The following PRKCB variants were observed in gnomAD, a reference collection of about 807,000 sequenced individuals.
PRKCB encodes the protein protein kinase C beta.
Under a neutral mutation model 81.5 loss-of-function variants are expected in PRKCB, and 13 were observed. The observed-to-expected ratio is 0.16, with a 90% CI of 0.10 to 0.25. The LOEUF (loss-of-function observed/expected upper bound fraction) is 0.25, where lower values mean the gene tolerates loss of function less well. Ranked by LOEUF, PRKCB falls within the 10% of genes least tolerant of loss-of-function variation. The pLI, the probability that PRKCB is intolerant of heterozygous loss-of-function variation, is 1.00. For synonymous variants in PRKCB, 335 were observed against 321.4 expected (o/e 1.04, Z -0.45); for missense variants, 509 against 875.7 (o/e 0.58, Z 5.29).
At chr16:23,968,220 G>T (rs1469761070) in intron 2 of PRKCB, among the ~76,000 whole-genome samples, 1 of 152,124 alleles carries the variant, frequency 6.6e-6, no homozygotes, top group African/African-American at 2.4e-5. Flanking sequence ...CTGTGGACAA[G>T]TTCCTCCACC....
chr16:24,194,921 T>A (rs1157107353), intron 16 of PRKCB, among the ~76,000 whole-genome samples: 1 of 152,146 alleles, frequency 6.6e-6, no homozygotes, highest in Non-Finnish European at 1.5e-5. Context: ...AATGATACAT[T>A]ATCCAGGTAC....
intron 5 of PRKCB, among the ~76,000 whole-genome samples, chr16:24,089,296 G>A (rs767926412): frequency 1.3e-5 from 2 of 152,182 alleles, no homozygotes; most frequent in African/African-American, 2.4e-5. Context: ...ATCTGTGGGG[G>A]TGGGTGCCAG....
chr16:23,983,993 G>A (rs1439199182), intron 2 of PRKCB, among the ~76,000 whole-genome samples: 1 of 152,028 alleles, frequency 6.6e-6, no homozygotes, highest in Admixed American at 6.6e-5. Context: ...AATATTTCTG[G>A]GTCAAAGAAT....
chr16:24,094,484 G>C (rs749643414), intron 7 of PRKCB, among the ~76,000 whole-genome samples, 187 bp downstream of exon 7: 1 of 152,312 alleles, frequency 6.6e-6, no homozygotes, highest in Non-Finnish European at 1.5e-5. Flanking sequence ...AAAAGAAAGA[G>C]GCCAGGCCTC....
In PRKCB at chr16:23,918,453, T is replaced by C. The variant is rs1450441371; in HGVS notation, c.206-70055T>C. Among the ~76,000 whole-genome samples, 2 of 152,052 alleles carry C rather than the reference T, an allele frequency of 1.3e-5. 1 individual carries two copies. Among genetic ancestry groups the C allele is most frequent in the South Asian group, 4.1e-4 (2 of 4,826 alleles). On this transcript the variant is annotated intron_variant, in intron 2 of 16. Coordinates refer to ENST00000643927, the MANE Select transcript of PRKCB (RefSeq NM_002738.7). ...ACTCTGTCACCCAAGTTGGAGTGAATTGGCGTGATCTTGGCTCACTGCAAC... is the reference window on the plus strand; with the variant it reads ...ACTCTGTCACCCAAGTTGGAGTGAACTGGCGTGATCTTGGCTCACTGCAAC...
At position 24,218,787 on chromosome 16, in the gene PRKCB, G is replaced by T. The variant is rs369641483; in HGVS notation, c.*3971G>T. The T allele has an allele frequency of 4.4e-5, 43 of 985,316 alleles. No individual in the cohort carries two copies. Among genetic ancestry groups the T allele is most frequent in the Non-Finnish European group, 5.1e-5 (42 of 829,974 alleles). The allele number at this position is 985,316 out of a possible 1,614,324, so 61.0% of individuals were successfully genotyped here. On this transcript the variant is annotated 3_prime_UTR_variant, in exon 17 of 17. Transcript: ENST00000643927. The stretch of plus-strand genomic sequence containing the variant: ...TCTGAGGCAACTTTGGCTGCAGCCC[G>T]GGAATGTGCAGGGCACTAGGGAATA...
At chr16:24,158,708 G>C (rs771428121) in intron 10 of PRKCB, among the ~76,000 whole-genome samples, 1 of 151,992 alleles carries the variant, frequency 6.6e-6, no homozygotes, top group Non-Finnish European at 1.5e-5. Flanking sequence ...GCCCAGGCTT[G>C]AGTGCAGTGA....
At chr16:23,859,438 G>A (rs991728323) in intron 2 of PRKCB, among the ~76,000 whole-genome samples, 4 of 152,202 alleles carry the variant, frequency 2.6e-5, no homozygotes, top group African/African-American at 9.6e-5. Flanking sequence ...GCCCTGTGAT[G>A]GGCAGGGGGA....
chr16:24,050,927 C>T (rs942560561), intron 5 of PRKCB, among the ~76,000 whole-genome samples: 3 of 152,018 alleles, frequency 2.0e-5, no homozygotes, highest in African/African-American at 7.2e-5. Context: ...GCCCCACATC[C>T]TTGTGCAAGA....
intron 3 of PRKCB, among the ~76,000 whole-genome samples, chr16:24,016,026 G>A (rs1026014038): frequency 7.2e-5 from 11 of 152,104 alleles, no homozygotes; most frequent in South Asian, 2.1e-4. Flanking sequence ...CTCTGTGTCA[G>A]GCAGCTGTTT....
intron 2 of PRKCB, among the ~76,000 whole-genome samples, chr16:23,981,336 C>A (rs983713241): frequency 6.6e-6 from 1 of 152,018 alleles, no homozygotes; most frequent in Non-Finnish European, 1.5e-5. Context: ...TCTTCCCTCC[C>A]TCCTATAAGG....
chr16:24,169,388 C>T (rs1369222443), intron 10 of PRKCB, among the ~76,000 whole-genome samples: 1 of 152,150 alleles, frequency 6.6e-6, no homozygotes, highest in Admixed American at 6.5e-5. Context: ...TAGTCCATTT[C>T]TTTCAGAGTG....
At chr16:23,956,930 T>G (rs1427537463) in intron 2 of PRKCB, among the ~76,000 whole-genome samples, 1 of 136,766 alleles carries the variant, frequency 7.3e-6, no homozygotes, top group Non-Finnish European at 1.5e-5. Context: ...CTGAGTTTGA[T>G]TCCTAACTCA....
intron 2 of PRKCB, among the ~76,000 whole-genome samples, chr16:23,953,973 A>T (rs1025445561): frequency 2.0e-5 from 3 of 151,028 alleles, no homozygotes; most frequent in Non-Finnish European, 4.4e-5. Context: ...GGTTCAAGCG[A>T]TTCTCCTGCC....
At chr16:23,969,918 G>A (rs949025065) in intron 2 of PRKCB, among the ~76,000 whole-genome samples, 6 of 152,182 alleles carry the variant, frequency 3.9e-5, no homozygotes, top group Admixed American at 2.0e-4. Flanking sequence ...TCCAGGGACA[G>A]AGTGCTTTGT....
At position 24,032,138 on chromosome 16, in the gene PRKCB, C is replaced by T; in HGVS notation, c.291C>T (p.Asp97=). Residue 97 remains aspartate, a splice_region_variant and synonymous_variant, in exon 4 of 17, where the codon GAC becomes GAT. Coordinates refer to ENST00000643927, the MANE Select transcript of PRKCB (RefSeq NM_002738.7). ...TCTGTTGTTTCTCTTGGCTCCAGGA[C>T]CCCCGCAGCAAACACAAGTTTAAGA... ...PGADKGPASD[D]PRSKHKFKIH... The T allele has an allele frequency of 6.2e-7, 1 of 1,609,430 alleles. No individual in the cohort carries two copies. The highest frequency in any genetic ancestry group is 2.2e-5 in the East Asian group (1 of 44,828).
chr16:24,131,549 A>T (rs1966853384), intron 9 of PRKCB, among the ~76,000 whole-genome samples: 1 of 152,242 alleles, frequency 6.6e-6, no homozygotes, highest in African/African-American at 2.4e-5. Flanking sequence ...TTAGTCATTT[A>T]TGCACCTGTT....
rs1256862977 is a variant in PRKCB at position 24,002,788 on chromosome 16, C to T, written c.288+14198C>T. On this transcript the variant is annotated intron_variant, in intron 3 of 16. Coordinates refer to ENST00000643927, the MANE Select transcript of PRKCB (RefSeq NM_002738.7). ...TGCGGGGATGGGAGACATTGGTGGC[C>T]ATTGTGCAGTCTACCACACTGACCC... 5.3e-5 allele frequency among the ~76,000 whole-genome samples: 8 copies of T among 152,230 alleles called. No individual in the cohort carries two copies. In the East Asian group the frequency reaches 1.2e-3, roughly 22 times the overall value.
At position 24,182,058 on chromosome 16, in the gene PRKCB, C is replaced by T. The variant is rs8054559; in HGVS notation, c.1533+1130C>T. On this transcript the variant is annotated intron_variant, in intron 13 of 16. Transcript: ENST00000643927. ...TCTTTAAAAATAATAAGGCTTTACT[C>T]GGACCCAGTGAAGTTTTCCCTATGT... Among the ~76,000 whole-genome samples the T allele has an allele frequency of 5.7e-3, 868 of 152,258 alleles. 5 individuals carry two copies. Among genetic ancestry groups the T allele is most frequent in the African/African-American group, 0.019 (805 of 41,542 alleles).
Sources: gnomAD v4.1 joint callset for allele counts (sites outside exome capture counted in the v4.1 genomes callset) on GRCh38, gnomAD v4.1.1 for gene constraint, MANE v1.5 for transcripts, NCBI Gene and HGNC (gene_info 2026-07-23, HGNC 2026-07-21) for gene names.